The following GPR158 variants were observed in gnomAD, a reference collection of about 807,000 sequenced individuals.
The protein encoded by GPR158 is metabotropic glycine receptor.
GPR158 carries 30 observed loss-of-function variants against 78.2 expected under a neutral mutation model. The observed-to-expected ratio is 0.38, with a 90% CI of 0.29 to 0.52. The LOEUF is 0.52. Among genes scored for constraint, GPR158 ranks in the 20% least tolerant of loss-of-function variants. The pLI, the probability that GPR158 is intolerant of heterozygous loss-of-function variation, is 0.83. For missense variants in GPR158, 1,463 were observed against 1,523.5 expected, an observed-to-expected ratio of 0.96 and a Z score of 0.66; for synonymous variants, 581 against 591.1, an observed-to-expected ratio of 0.98 and a Z score of 0.25.
intron 5 of GPR158, among the ~76,000 whole-genome samples, chr10:25,548,816 C>G (rs80019058): frequency 9.7e-4 from 147 of 152,194 alleles, no homozygotes; most frequent in Admixed American, 6.5e-3. Context: ...AAACTTATAC[C>G]TCCACCATGG....
At chr10:25,447,416 G>A (rs775747233) in intron 4 of GPR158, among the ~76,000 whole-genome samples, 30 of 152,326 alleles carry the variant, frequency 2.0e-4, no homozygotes, top group Non-Finnish European at 2.2e-4. Context: ...TATACATTTA[G>A]TTACCACCTT....
intron 1 of GPR158, among the ~76,000 whole-genome samples, chr10:25,213,595 T>A (rs1003265704): frequency 2.6e-5 from 4 of 151,992 alleles, no homozygotes; most frequent in Admixed American, 2.6e-4. Context: ...TGCCCTCATG[T>A]GGTTTGGAAT....
At chr10:25,177,550 G>T (rs764829045) in intron 1 of GPR158, among the ~76,000 whole-genome samples, 11 of 152,174 alleles carry the variant, frequency 7.2e-5, no homozygotes, top group Non-Finnish European at 1.6e-4. Flanking sequence ...TCAAGTACTG[G>T]GTGGGCAAGT....
chr10:25,466,036 C>T (rs528641789), intron 4 of GPR158, among the ~76,000 whole-genome samples: 1 of 152,220 alleles, frequency 6.6e-6, no homozygotes, highest in Admixed American at 6.5e-5. Context: ...TCAGGCCCAC[C>T]AACTCACAGG....
rs111310132 is a variant in GPR158 at position 25,289,558 on chromosome 10, G to A, written c.1008+68401G>A. On this transcript the variant is annotated intron_variant, in intron 2 of 10. Coordinates refer to ENST00000376351, the MANE Select transcript of GPR158 (RefSeq NM_020752.3). ...CCCCATTCTCCTGCCTCAGCCTCCC[G>A]AGTAGCTGGGACTACAGGCGCCCAC... is the stretch of plus-strand genomic sequence containing the variant. 3.1e-3 allele frequency among the ~76,000 whole-genome samples: 474 copies of A among 151,816 alleles called. 4 individuals are homozygous for A. The highest frequency in any genetic ancestry group is 0.011 in the African/African-American group (457 of 41,376).
chr10:25,565,427 T>C (rs1836916850), intron 6 of GPR158, among the ~76,000 whole-genome samples: 1 of 152,146 alleles, frequency 6.6e-6, no homozygotes, highest in Admixed American at 6.5e-5. Context: ...GGCATGGCAT[T>C]CAAAGGTACG....
At chr10:25,186,639 C>T (rs1038576305) in intron 1 of GPR158, among the ~76,000 whole-genome samples, 1 of 152,264 alleles carries the variant, frequency 6.6e-6, no homozygotes, top group South Asian at 2.1e-4. Flanking sequence ...TGGATAAATT[C>T]CTGCACACAT....
intron 9 of GPR158, 132 bp from the exon 10 acceptor site, chr10:25,596,511 A>C (rs553159424): frequency 4.7e-5 from 29 of 612,956 alleles, no homozygotes; most frequent in Middle Eastern, 4.5e-4. Flanking sequence ...ATCTATCTAT[A>C]TATATAGATA....
chr10:25,360,121 T>C (rs534411521), intron 2 of GPR158, among the ~76,000 whole-genome samples: 1 of 152,258 alleles, frequency 6.6e-6, no homozygotes, highest in East Asian at 1.9e-4. Flanking sequence ...TCTTATAAGT[T>C]TGTTTAAGTT....
chr10:25,458,878 T>C (rs1226308281), intron 4 of GPR158, among the ~76,000 whole-genome samples: 1 of 152,194 alleles, frequency 6.6e-6, no homozygotes, highest in African/African-American at 2.4e-5. Flanking sequence ...GCTTTTTTAT[T>C]GCTGAGAATT....
chr10:25,491,850 T>C (rs530368749), intron 5 of GPR158, among the ~76,000 whole-genome samples: 1 of 152,334 alleles, frequency 6.6e-6, no homozygotes, highest in East Asian at 1.9e-4. Context: ...AAAATGCATT[T>C]GTCACATTCT....
intron 4 of GPR158, among the ~76,000 whole-genome samples, chr10:25,416,011 T>G (rs551211041): frequency 2.0e-5 from 3 of 152,256 alleles, no homozygotes; most frequent in African/African-American, 7.2e-5. Context: ...GTGTATTATA[T>G]CTCAATAAAT....
intron 5 of GPR158, among the ~76,000 whole-genome samples, chr10:25,477,211 G>A (rs766458090): frequency 3.9e-5 from 6 of 152,078 alleles, no homozygotes; most frequent in Non-Finnish European, 8.8e-5. Flanking sequence ...CATGATTACA[G>A]CTTAAAGGAA....
At chr10:25,438,663 T>A (rs1332164775) in intron 4 of GPR158, among the ~76,000 whole-genome samples, 2 of 152,224 alleles carry the variant, frequency 1.3e-5, no homozygotes, top group African/African-American at 4.8e-5. Context: ...CATAATTAAA[T>A]GAACTTCCTC....
chr10:25,363,776 C>A (rs1346146953), intron 2 of GPR158, among the ~76,000 whole-genome samples: 1 of 151,276 alleles, frequency 6.6e-6, no homozygotes. Flanking sequence ...CTTAGGTTCC[C>A]CCTGTGGTTG....
intron 2 of GPR158, among the ~76,000 whole-genome samples, chr10:25,253,197 G>A (rs1462440563): frequency 6.6e-6 from 1 of 151,590 alleles, no homozygotes; most frequent in South Asian, 2.1e-4. Context: ...GCACCCACTG[G>A]CCTGCGCCCA....
chr10:25,373,021 T>A (rs896138670), intron 2 of GPR158, among the ~76,000 whole-genome samples: 2 of 151,944 alleles, frequency 1.3e-5, no homozygotes, highest in African/African-American at 2.4e-5. Context: ...GCAGCACTAT[T>A]CATGATAGCA....
At chr10:25,386,848 C>G (rs374362985) in intron 2 of GPR158, among the ~76,000 whole-genome samples, 2 of 152,012 alleles carry the variant, frequency 1.3e-5, no homozygotes, top group Non-Finnish European at 2.9e-5. Context: ...TTTATTAGTT[C>G]TAGTAGTTTT....
chr10:25,544,497 A>G (rs986697055), intron 5 of GPR158, among the ~76,000 whole-genome samples: 1 of 152,164 alleles, frequency 6.6e-6, no homozygotes, highest in Non-Finnish European at 1.5e-5. Context: ...TAGCATGGTT[A>G]TCAGTGCGTA....
Sources: gnomAD v4.1 joint callset for allele counts (sites outside exome capture counted in the v4.1 genomes callset) on GRCh38, gnomAD v4.1.1 for gene constraint, MANE v1.5 for transcripts, NCBI Gene and HGNC (gene_info 2026-07-23, HGNC 2026-07-21) for gene names.